Variants in KLHL32 observed in about 807,000 individuals in gnomAD.
The protein encoded by KLHL32 is kelch-like protein 32.
Under a neutral mutation model 64.8 loss-of-function variants are expected in KLHL32, and 35 were observed. The ratio of observed to expected loss-of-function variants is 0.54; its 90% CI spans 0.41 to 0.72. KLHL32 has a LOEUF of 0.72. Among genes scored for constraint, KLHL32 ranks in the 30% least tolerant of loss-of-function variants. KLHL32 has a pLI of 0.00. For missense variants in KLHL32, 589 were observed against 768.5 expected (o/e 0.77, Z 2.76); for synonymous variants, 259 against 281.0 (o/e 0.92, Z 0.78).
intron 1 of KLHL32, among the ~76,000 whole-genome samples, chr6:96,932,551 A>G (rs1010777365): frequency 1.4e-5 from 2 of 146,948 alleles, no homozygotes; most frequent in Non-Finnish European, 3.0e-5. Flanking sequence ...ACTGTTTCAC[A>G]AAGTTGTCAA....
chr6:96,952,190 A>C (rs1288971512), intron 1 of KLHL32, among the ~76,000 whole-genome samples: 5 of 152,222 alleles, frequency 3.3e-5, no homozygotes, highest in Non-Finnish European at 1.5e-5. Flanking sequence ...CAGCCACCCA[A>C]GACCTTGAAC....
At chr6:97,006,817 C>T (rs1347816539) in intron 3 of KLHL32, among the ~76,000 whole-genome samples, 1 of 152,000 alleles carries the variant, frequency 6.6e-6, no homozygotes, top group Non-Finnish European at 1.5e-5. Context: ...GAATATAGGC[C>T]CCCAAACTCT....
intron 3 of KLHL32, among the ~76,000 whole-genome samples, chr6:96,981,200 A>G (rs962987518): frequency 6.6e-6 from 1 of 152,152 alleles, no homozygotes; most frequent in Non-Finnish European, 1.5e-5. Flanking sequence ...AAGCCAAACC[A>G]TATCAGTAGG....
At chr6:96,927,288 CA>C (rs751152642) in intron 1 of KLHL32, among the ~76,000 whole-genome samples, 5 of 152,092 alleles carry the variant, frequency 3.3e-5, no homozygotes, top group Admixed American at 2.6e-4. Flanking sequence ...GATTGGTCAG[CA>C]AATGGAGCAT....
At chr6:97,061,881 C>T (rs979444393) in intron 4 of KLHL32, among the ~76,000 whole-genome samples, 1 of 152,116 alleles carries the variant, frequency 6.6e-6, no homozygotes, top group Admixed American at 6.5e-5. Context: ...AGTCAGTCAC[C>T]AAAGAGCAAC....
At chr6:97,103,263 G>A (rs1185532296) in intron 6 of KLHL32, among the ~76,000 whole-genome samples, 1 of 149,248 alleles carries the variant, frequency 6.7e-6, no homozygotes, top group Non-Finnish European at 1.5e-5. Flanking sequence ...ACCCAGGCTG[G>A]AGTGCAGTGG....
the KLHL32 span, among the ~76,000 whole-genome samples, chr6:96,906,637 T>C: frequency 6.6e-6 from 1 of 152,224 alleles, no homozygotes; most frequent in East Asian, 1.9e-4. Flanking sequence ...GGGATATCTA[T>C]TTAATAAGAG....
chr6:96,976,648 A>G (rs1775728799), intron 3 of KLHL32, among the ~76,000 whole-genome samples: 3 of 152,054 alleles, frequency 2.0e-5, no homozygotes, highest in Admixed American at 2.0e-4. Context: ...CCCAGGCTGG[A>G]GTGCCAATGG....
intron 4 of KLHL32, among the ~76,000 whole-genome samples, chr6:97,058,785 C>T (rs1469983397): frequency 1.3e-5 from 2 of 152,146 alleles, no homozygotes; most frequent in East Asian, 1.9e-4. Context: ...ACCATGAAAC[C>T]ACAGCCTGAG....
intron 3 of KLHL32, among the ~76,000 whole-genome samples, chr6:96,992,641 G>A (rs943078057): frequency 6.6e-6 from 1 of 152,190 alleles, no homozygotes; most frequent in African/African-American, 2.4e-5. Context: ...CATTTCACTT[G>A]TTGGCATTTA....
At chr6:96,981,367 T>A (rs1776292492) in intron 3 of KLHL32, among the ~76,000 whole-genome samples, 1 of 152,168 alleles carries the variant, frequency 6.6e-6, no homozygotes, top group Admixed American at 6.5e-5. Context: ...TCTTTGAGGT[T>A]TTTTTTGTAT....
chr6:97,060,004 G>A (rs375344133), intron 4 of KLHL32, among the ~76,000 whole-genome samples: 35 of 152,228 alleles, frequency 2.3e-4, no homozygotes, highest in African/African-American at 8.4e-4. Context: ...TTGTACAAGC[G>A]CTTGTTTTGC....
chr6:97,052,157 G>A (rs913902016), intron 4 of KLHL32, among the ~76,000 whole-genome samples: 2 of 152,288 alleles, frequency 1.3e-5, no homozygotes, highest in East Asian at 1.9e-4. Context: ...TTATATTTCA[G>A]TGTGTACATG....
chr6:97,068,416 C>T (rs566266225), intron 5 of KLHL32, among the ~76,000 whole-genome samples: 1 of 152,212 alleles, frequency 6.6e-6, no homozygotes, highest in South Asian at 2.1e-4. Context: ...CAGCAGGTGG[C>T]AGTGTGAATC....
At chr6:97,108,997 C>T (rs1796776045) in intron 6 of KLHL32, among the ~76,000 whole-genome samples, 2 of 152,140 alleles carry the variant, frequency 1.3e-5, no homozygotes, top group African/African-American at 4.8e-5. Context: ...TCATGACAGC[C>T]TGATAGGAGA....
chr6:97,132,689 G>A lies in KLHL32; in HGVS notation c.1643G>A (p.Arg548Lys). Residue 548 changes from arginine to lysine, a missense_variant, in exon 10 of 11, where the codon AGA becomes AAA. Physicochemically the swap from Arg to Lys is conservative, Grantham distance 26 (BLOSUM62 2). This residue lies in a region of KLHL32 where 172 missense variants were observed against 192.0 expected (regional missense o/e 0.90). Transcript: ENST00000369261. The part of the protein sequence containing the change: ...NESGVAVHNG[R>K]IYLVGGYSIW... Reference sequence around the variant, plus strand: ...TCTGGAGTTGCTGTCCATAATGGGAGAATATATTTAGTTGGTGGATATTCA... The same window carrying A: ...TCTGGAGTTGCTGTCCATAATGGGAAAATATATTTAGTTGGTGGATATTCA... 6.2e-7 allele frequency: 1 copy of A among 1,613,162 alleles called. No individual in the cohort carries two copies. The highest frequency in any genetic ancestry group is 1.7e-5 in the Admixed American group (1 of 59,932).
intron 1 of KLHL32, among the ~76,000 whole-genome samples, chr6:96,941,085 A>G (rs1333776178): frequency 6.6e-6 from 1 of 152,182 alleles, no homozygotes; most frequent in African/African-American, 2.4e-5. Context: ...TTTCTTAGCC[A>G]TTATTTCTTC....
intron 1 of KLHL32, among the ~76,000 whole-genome samples, chr6:96,940,471 C>G (rs529008782): frequency 6.6e-6 from 1 of 152,298 alleles, no homozygotes; most frequent in South Asian, 2.1e-4. Context: ...CAGAATGCTG[C>G]TGATATCCAA....
the KLHL32 span, among the ~76,000 whole-genome samples, chr6:96,904,857 A>G: frequency 6.6e-6 from 1 of 152,284 alleles, no homozygotes; most frequent in Admixed American, 6.5e-5. Context: ...GTAAGGATAT[A>G]ATTCTTTCCC....
Sources: allele counts gnomAD v4.1 joint callset (sites outside exome capture counted in the v4.1 genomes callset), GRCh38; gene constraint gnomAD v4.1.1; regional missense constraint gnomAD v4.1.1; transcripts MANE v1.5; gene names NCBI Gene and HGNC (gene_info 2026-07-23, HGNC 2026-07-21).